IL15: variants seen among roughly 807,000 people sequenced by gnomAD.
IL15 encodes the protein interleukin 15, also known as interleukin-15.
In IL15, 11 loss-of-function variants were observed where a neutral mutation model predicts 19.6. That is an observed-to-expected ratio of 0.56 (90% CI 0.35 to 0.93). The LOEUF (loss-of-function observed/expected upper bound fraction) is 0.93. IL15 is among the 40% of genes least tolerant of loss of function. The pLI is 0.01. For synonymous variants in IL15, 58 were observed against 59.6 expected (o/e 0.97, Z 0.12); for missense variants, 197 against 186.5 (o/e 1.06, Z -0.33).
At chr4:141,686,719 A>G (rs112058613) in intron 2 of IL15, among the ~76,000 whole-genome samples, 241 of 152,328 alleles carry the variant, frequency 1.6e-3, no homozygotes, top group Middle Eastern at 3.4e-3. Context: ...ATTTCAAACT[A>G]TGAATTCAAA....
intron 1 of IL15, 57 bp downstream of exon 1, chr4:141,636,805 T>C (rs373171222): frequency 6.6e-6 from 1 of 152,304 alleles, no homozygotes; most frequent in Non-Finnish European, 1.5e-5. Context: ...GAAAGGGCGA[T>C]GGAATTTTCC....
At chr4:141,652,385 T>C (rs761382425) in intron 1 of IL15, among the ~76,000 whole-genome samples, 2 of 152,082 alleles carry the variant, frequency 1.3e-5, no homozygotes, top group Non-Finnish European at 2.9e-5. Flanking sequence ...AGCAACCACA[T>C]TGACCACATT....
At chr4:141,731,802 G>A (rs1011692121) in intron 7 of IL15, among the ~76,000 whole-genome samples, 4 of 152,116 alleles carry the variant, frequency 2.6e-5, no homozygotes, top group African/African-American at 7.2e-5. Flanking sequence ...AATAGTTAAT[G>A]GATATAAAAT....
At chr4:141,675,150 G>GA (rs112525176) in intron 2 of IL15, among the ~76,000 whole-genome samples, 98 of 139,342 alleles carry the variant, frequency 7.0e-4, no homozygotes, top group South Asian at 1.3e-3. Context: ...GAGACAATTT[G>GA]AAAAAAAAAA....
chr4:141,693,162 C>T (rs1169742675), intron 2 of IL15, among the ~76,000 whole-genome samples: 1 of 151,884 alleles, frequency 6.6e-6, no homozygotes, highest in African/African-American at 2.4e-5. Context: ...GGGAAGCAGG[C>T]ACCCTCTTCG....
At chr4:141,663,586 G>A (rs1045438126) in intron 2 of IL15, among the ~76,000 whole-genome samples, 3 of 152,142 alleles carry the variant, frequency 2.0e-5, no homozygotes, top group Non-Finnish European at 4.4e-5. Flanking sequence ...TAATAGACCT[G>A]GTAGGGAAAT....
intron 2 of IL15, among the ~76,000 whole-genome samples, chr4:141,657,896 C>T (rs1238124382): frequency 2.0e-5 from 3 of 152,112 alleles, no homozygotes; most frequent in South Asian, 2.1e-4. Flanking sequence ...AATACATAAA[C>T]CAGCAACATA....
chr4:141,671,813 G>A (rs1228524839), intron 2 of IL15, among the ~76,000 whole-genome samples: 1 of 152,132 alleles, frequency 6.6e-6, no homozygotes, highest in Admixed American at 6.6e-5. Context: ...ATAAATCATA[G>A]CTAGCCCAGA....
intron 2 of IL15, among the ~76,000 whole-genome samples, chr4:141,664,883 A>G (rs1727918266): frequency 6.6e-6 from 1 of 152,170 alleles, no homozygotes; most frequent in African/African-American, 2.4e-5. Context: ...ATAGAAAAAT[A>G]TATAAAAATA....
At chr4:141,645,896 G>A (rs1174670183) in intron 1 of IL15, among the ~76,000 whole-genome samples, 1 of 151,996 alleles carries the variant, frequency 6.6e-6, no homozygotes. Flanking sequence ...CTCACAGCAC[G>A]GTAGTTTCAG....
intron 1 of IL15, among the ~76,000 whole-genome samples, chr4:141,643,903 T>C (rs1727134362): frequency 6.6e-6 from 1 of 151,866 alleles, no homozygotes; most frequent in African/African-American, 2.4e-5. Context: ...TAATACTCAC[T>C]GGATTCCTGC....
intron 2 of IL15, among the ~76,000 whole-genome samples, chr4:141,683,793 A>G (rs1263396547): frequency 6.6e-6 from 1 of 152,218 alleles, no homozygotes; most frequent in Non-Finnish European, 1.5e-5. Context: ...GATACAGAAA[A>G]GAGCTTTAGG....
rs369804421 is a variant in IL15, at chr4:141,719,475, C to T, written c.11C>T (p.Ser4Leu). The T allele has an allele frequency of 2.3e-5, 25 of 1,103,668 alleles. No homozygotes were observed. The highest frequency in any genetic ancestry group is 7.2e-5 in the East Asian group (3 of 41,874). The allele number at this position is 1,103,668 out of a possible 1,614,324, so 68.4% of individuals were successfully genotyped here. MRI[S>L]KPHLRSISIQ... ...CCGTGGCTTTGAGTAATGAGAATTT[C>T]GGTAAGAAAAAAAATAGATGAAAAT... Residue 4 changes from serine to leucine, a missense_variant and splice_region_variant, in exon 3 of 8, where the codon TCG becomes TTG. Physicochemically the swap from Ser to Leu is moderately radical, Grantham distance 145. Transcript: ENST00000320650.
At chr4:141,639,423 T>C (rs1487217322) in intron 1 of IL15, among the ~76,000 whole-genome samples, 2 of 152,222 alleles carry the variant, frequency 1.3e-5, no homozygotes, top group Non-Finnish European at 2.9e-5. Context: ...GTGTCAAATA[T>C]GTGTTTGGTA....
intron 2 of IL15, among the ~76,000 whole-genome samples, chr4:141,705,976 G>C (rs1372462104): frequency 6.6e-6 from 1 of 151,662 alleles, no homozygotes; most frequent in African/African-American, 2.4e-5. Flanking sequence ...CTTGTTGGCA[G>C]CATATAGTTG....
chr4:141,733,088 A>T lies in IL15; in HGVS notation c.*240A>T. The T allele has an allele frequency of 2.6e-6, 1 of 382,612 alleles. No individual in the cohort carries two copies. Among genetic ancestry groups the T allele is most frequent in the East Asian group, 5.9e-5 (1 of 17,074 alleles). The allele number at this position is 382,612 out of a possible 1,614,324, so 23.7% of individuals were successfully genotyped here. On this transcript the variant is annotated 3_prime_UTR_variant, in exon 8 of 8. Coordinates refer to ENST00000320650, the MANE Select transcript of IL15 (RefSeq NM_000585.5). ...TACTCATTTTTTTAATTTATTATTG[A>T]AATTGTACATATTTGTGGAATAATG...
At position 141,642,582 on chromosome 4, in the gene IL15, G is replaced by A. The variant is rs367623205; in HGVS notation, c.-222+5834G>A. ...GAGGTTTCCCACTGGGGACTAGTGCGAAATAAGCTCTAGTAGGGCTTGGAT... is the reference window on the plus strand; with the variant it reads ...GAGGTTTCCCACTGGGGACTAGTGCAAAATAAGCTCTAGTAGGGCTTGGAT... On this transcript the variant is annotated intron_variant, in intron 1 of 7. Transcript: ENST00000320650. Among the ~76,000 whole-genome samples, 159 of 152,250 alleles carry A rather than the reference G, an allele frequency of 1.0e-3. 2 individuals are homozygous for A. In the South Asian group the frequency reaches 0.032, roughly 31 times the overall value.
chr4:141,641,547 T>C (rs1283371647), intron 1 of IL15, among the ~76,000 whole-genome samples: 1 of 151,956 alleles, frequency 6.6e-6, no homozygotes, highest in South Asian at 2.1e-4. Flanking sequence ...TGTAGGGACG[T>C]GGATGAAGCT....
At chr4:141,640,415 C>T (rs1171029248) in intron 1 of IL15, among the ~76,000 whole-genome samples, 6 of 151,990 alleles carry the variant, frequency 3.9e-5, no homozygotes, top group African/African-American at 7.2e-5. Flanking sequence ...TGCTCCTTTT[C>T]GGATATCATA....
Sources: allele counts gnomAD v4.1 joint callset (sites outside exome capture counted in the v4.1 genomes callset), GRCh38; gene constraint gnomAD v4.1.1; transcripts MANE v1.5; gene names NCBI Gene and HGNC (gene_info 2026-07-23, HGNC 2026-07-21).